UNKL: variants seen among roughly 807,000 people sequenced by gnomAD.
UNKL encodes unk like zinc finger.
A neutral mutation model predicts 78.0 loss-of-function variants in UNKL; 60 were observed. That is an observed-to-expected ratio of 0.77 (90% CI 0.63 to 0.95). UNKL has a LOEUF of 0.95. Among genes scored for constraint, UNKL ranks in the 40% least tolerant of loss-of-function variants. The pLI is 0.00. For synonymous variants in UNKL, 608 were observed against 474.8 expected (o/e 1.28, Z -3.65); for missense variants, 1,159 against 1,045.7 (o/e 1.11, Z -1.49).
chr16:1,389,182 A>G (rs946064012), intron 9 of UNKL, among the ~76,000 whole-genome samples: 4 of 152,230 alleles, frequency 2.6e-5, no homozygotes, highest in East Asian at 3.9e-4. Flanking sequence ...CAGTCAGCAC[A>G]GTGTCTTTGT....
chr16:1,369,926 G>T, intron 12 of UNKL: 1 of 1,544,804 alleles, frequency 6.5e-7, no homozygotes, highest in East Asian at 2.4e-5. Context: ...GGCGAGCCGA[G>T]ATCGTACCAT....
intron 3 of UNKL, among the ~76,000 whole-genome samples, chr16:1,402,612 A>G (rs2037578386): frequency 6.6e-6 from 1 of 151,088 alleles, no homozygotes. Flanking sequence ...GCAGTGAGCC[A>G]AGATCACGCC....
At chr16:1,388,788 C>T (rs2036923051) in intron 9 of UNKL, among the ~76,000 whole-genome samples, 1 of 152,078 alleles carries the variant, frequency 6.6e-6, no homozygotes, top group African/African-American at 2.4e-5. Context: ...GCACCGTTCA[C>T]ACCATGAGGA....
intron 7 of UNKL, among the ~76,000 whole-genome samples, chr16:1,393,682 G>A (rs1450595926): frequency 6.6e-6 from 1 of 152,226 alleles, no homozygotes; most frequent in Non-Finnish European, 1.5e-5. Context: ...GTCTCCCCGA[G>A]CTGGGGCGGA....
At chr16:1,372,585 A>G (rs1052018062) in intron 10 of UNKL, among the ~76,000 whole-genome samples, 4 of 152,128 alleles carry the variant, frequency 2.6e-5, no homozygotes, top group Non-Finnish European at 5.9e-5. Flanking sequence ...GGCTGAGCTC[A>G]GGCCACCAGC....
rs2142206607 is a variant in UNKL, at chr16:1,401,600, T to C, written c.566A>G (p.Glu189Gly). 1 of 1,603,680 alleles carries C rather than the reference T, an allele frequency of 6.2e-7. No individual in the cohort carries two copies. The highest frequency in any genetic ancestry group is 2.2e-5 in the East Asian group (1 of 44,614). The change falls in exon 4 of 15, where the codon GAG (glutamate) becomes GGG (glycine). Residue 189 changes from glutamate to glycine, a missense_variant. Coordinates refer to ENST00000389221, the MANE Select transcript of UNKL (RefSeq NM_001372107.1). ...CCGGGGGTCCTCGCTCAGGATCTTC[T>C]CAATCATGGCCTGGCTGGCCAAGAC... ...PGVLASQAMI[E>G]KILSEDPRWQ...
At chr16:1,366,992 G>C in intron 14 of UNKL, 100 bp downstream of exon 14, 1 of 1,435,848 alleles carries the variant, frequency 7.0e-7, no homozygotes, top group Non-Finnish European at 9.1e-7. Context: ...CCCTGGGGCA[G>C]GGGAGGAAGG....
intron 2 of UNKL, chr16:1,406,143 G>C (rs2037752897): frequency 2.3e-6 from 1 of 437,224 alleles, no homozygotes; most frequent in Non-Finnish European, 4.7e-6. Flanking sequence ...TAGGTGGGGG[G>C]CCCAGAGCAC....
intron 2 of UNKL, chr16:1,405,954 T>C (rs1420233718): frequency 4.4e-6 from 2 of 456,600 alleles, no homozygotes; most frequent in South Asian, 1.5e-5. Flanking sequence ...TTCTCGAGAC[T>C]GCGAGCCACA....
At chr16:1,397,480 G>A (rs1199011088) in intron 5 of UNKL, among the ~76,000 whole-genome samples, 185 bp from the exon 6 acceptor site, 2 of 87,724 alleles carry the variant, frequency 2.3e-5, no homozygotes, top group Non-Finnish European at 2.4e-5. Flanking sequence ...CTGGGGATGA[G>A]GAGGTGTCAG....
At chr16:1,391,254 ACACACACACACACACACAC>A in intron 8 of UNKL, among the ~76,000 whole-genome samples, 2 of 3,120 alleles carry the variant, frequency 6.4e-4, no homozygotes, top group African/African-American at 8.6e-4. Flanking sequence ...ACACACACAC[ACACACACACACACACACAC>A]ACACACACAC....
intron 6 of UNKL, 90 bp downstream of exon 6, chr16:1,397,088 T>C: frequency 7.2e-7 from 1 of 1,393,184 alleles, no homozygotes; most frequent in Non-Finnish European, 9.8e-7. Flanking sequence ...TTAATCACTG[T>C]TCCTTCTGTG....
intron 2 of UNKL, among the ~76,000 whole-genome samples, chr16:1,412,798 C>G (rs2038100483): frequency 6.6e-6 from 1 of 152,202 alleles, no homozygotes; most frequent in African/African-American, 2.4e-5. Flanking sequence ...TGGATCATGC[C>G]TGGAATCCCA....
At position 1,363,622 on chromosome 16, in the gene UNKL, C is replaced by T. The variant is rs535736709; in HGVS notation, c.*2618G>A. 5 of 195,198 alleles carry T rather than the reference C, an allele frequency of 2.6e-5. No individual in the cohort carries two copies. The highest frequency in any genetic ancestry group is 2.4e-4 in the South Asian group (3 of 12,658). The allele number at this position is 195,198 out of a possible 1,614,324, so 12.1% of individuals were successfully genotyped here. A position where few individuals can be genotyped will look rare whatever the true frequency, so the allele number is the denominator to read the frequency against. On this transcript the variant is annotated 3_prime_UTR_variant, in exon 15 of 15. Transcript: ENST00000389221. ...GGCCACAGGGGGGAGCTGCTGGGCGCGCCTCCACCTCAGCCTCCACGGGGC... is the reference window on the plus strand; with the variant it reads ...GGCCACAGGGGGGAGCTGCTGGGCGTGCCTCCACCTCAGCCTCCACGGGGC...
At chr16:1,366,987 G>A (rs1396154334) in intron 14 of UNKL, 105 bp downstream of exon 14, 8 of 1,434,998 alleles carry the variant, frequency 5.6e-6, no homozygotes, top group Non-Finnish European at 7.3e-6. Context: ...GCAGACCCTG[G>A]GGCAGGGGAG....
intron 2 of UNKL, among the ~76,000 whole-genome samples, chr16:1,411,012 G>A (rs757571788): frequency 3.9e-5 from 6 of 152,008 alleles, no homozygotes; most frequent in Non-Finnish European, 5.9e-5. Flanking sequence ...TGGGAAGATC[G>A]CTTGAGGCCG....
chr16:1,366,763 G>C (rs531891092), intron 14 of UNKL, among the ~76,000 whole-genome samples: 7 of 152,304 alleles, frequency 4.6e-5, no homozygotes, highest in African/African-American at 1.7e-4. Flanking sequence ...GGTGAGGAGG[G>C]GCACGCCGAA....
At chr16:1,366,513 A>G (rs2035266400) in intron 14 of UNKL, 118 bp from the exon 15 acceptor site, 1 of 1,325,142 alleles carries the variant, frequency 7.5e-7, no homozygotes, top group Non-Finnish European at 1.0e-6. Context: ...CACCAGCTAC[A>G]GAGACAGGGT....
Position 1,387,046 on chromosome 16 carries a change from G to A in UNKL, c.1087-1661C>T, listed in dbSNP as rs1041628194. The stretch of plus-strand genomic sequence containing the variant: ...CCACCCCGTGAGCATCAGGGACGGC[G>A]GTAACTCCTGCACCCTACACCGCAG... On this transcript the variant is annotated intron_variant, in intron 9 of 14. Coordinates refer to ENST00000389221, the MANE Select transcript of UNKL (RefSeq NM_001372107.1). The surrounding 1 kb of genome is among the most constrained non-coding windows in gnomAD (Gnocchi z 4.1). 3.9e-5 allele frequency among the ~76,000 whole-genome samples: 6 copies of A among 152,200 alleles called. No individual in the cohort carries two copies. The highest frequency in any genetic ancestry group is 7.2e-5 in the African/African-American group (3 of 41,536).
Sources: gnomAD v4.1 joint callset for allele counts (sites outside exome capture counted in the v4.1 genomes callset) on GRCh38, gnomAD v4.1.1 for gene constraint, Gnocchi (gnomAD v3.1) non-coding constraint, MANE v1.5 for transcripts, NCBI Gene and HGNC (gene_info 2026-07-23, HGNC 2026-07-21) for gene names.